The following KATNIP variants were observed in gnomAD, a reference collection of about 807,000 sequenced individuals.
The protein encoded by KATNIP is katanin-interacting protein.
Under a neutral mutation model 174.0 loss-of-function variants are expected in KATNIP, and 126 were observed. The observed-to-expected ratio is 0.72, with a 90% CI of 0.63 to 0.84. The LOEUF (loss-of-function observed/expected upper bound fraction) is 0.84. Ranked by LOEUF, KATNIP falls within the 40% of genes least tolerant of loss-of-function variation. The pLI is 0.00. For missense variants in KATNIP, 1,958 were observed against 2,109.7 expected (o/e 0.93, Z 1.41); for synonymous variants, 810 against 835.7 (o/e 0.97, Z 0.53).
At chr16:27,599,938 C>A (rs2075461249) in intron 2 of KATNIP, among the ~76,000 whole-genome samples, 1 of 152,200 alleles carries the variant, frequency 6.6e-6, no homozygotes, top group African/African-American at 2.4e-5. Flanking sequence ...GAGCACTCTC[C>A]CCTCTCCTCC....
intron 12 of KATNIP, among the ~76,000 whole-genome samples, chr16:27,707,147 ATTAATT>A (rs1394646512): frequency 6.6e-6 from 1 of 152,192 alleles, no homozygotes; most frequent in Non-Finnish European, 1.5e-5. Context: ...CTCGCTGGCT[ATTAATT>A]AAAAAAATAA....
At position 27,778,827 on chromosome 16, in the gene KATNIP, A is replaced by G. The variant is rs748326682; in HGVS notation, c.*198A>G. ...GACAGATGGCTGTGGCTGCAGGGCA[A>G]AGAGATCCCCTGCAGTTCTGGGTTG... On this transcript the variant is annotated 3_prime_UTR_variant, in exon 28 of 28. Transcript: ENST00000261588. 2.5e-5 allele frequency: 13 copies of G among 530,240 alleles called. No homozygotes were observed. The highest frequency in any genetic ancestry group is 9.7e-5 in the African/African-American group (5 of 51,370). The allele number at this position is 530,240 out of a possible 1,614,324, so 32.8% of individuals were successfully genotyped here. A position where few individuals can be genotyped will look rare whatever the true frequency, so the allele number is the denominator to read the frequency against.
chr16:27,616,328 A>G (rs2142047439), intron 2 of KATNIP, among the ~76,000 whole-genome samples: 1 of 152,338 alleles, frequency 6.6e-6, no homozygotes, highest in South Asian at 2.1e-4. Context: ...GTGCCACTGC[A>G]CTTCAGCCTG....
At chr16:27,681,568 C>T in intron 8 of KATNIP, 38 bp downstream of exon 8, 5 of 1,612,948 alleles carry the variant, frequency 3.1e-6, no homozygotes, top group Non-Finnish European at 4.2e-6. Context: ...GGGAGCAGGG[C>T]TGCGACTGGG....
intron 14 of KATNIP, among the ~76,000 whole-genome samples, chr16:27,739,484 G>C (rs576183721): frequency 6.6e-6 from 1 of 152,200 alleles, no homozygotes; most frequent in East Asian, 1.9e-4. Flanking sequence ...CCAAATACTC[G>C]ACTTGCACCC....
intron 13 of KATNIP, among the ~76,000 whole-genome samples, chr16:27,721,173 GCT>G (rs903399117): frequency 7.2e-5 from 11 of 152,262 alleles, no homozygotes; most frequent in Admixed American, 7.2e-4. Context: ...AAAATCAAAG[GCT>G]CTGTTTGCCA....
At chr16:27,774,239 G>A (rs2082411561) in intron 23 of KATNIP, among the ~76,000 whole-genome samples, 1 of 152,140 alleles carries the variant, frequency 6.6e-6, no homozygotes, top group Non-Finnish European at 1.5e-5. Context: ...ACCCTCCTCA[G>A]CTGGGATGAA....
chr16:27,555,717 T>A (rs1221565864), intron 1 of KATNIP, among the ~76,000 whole-genome samples: 2 of 151,962 alleles, frequency 1.3e-5, no homozygotes, highest in Non-Finnish European at 2.9e-5. Flanking sequence ...ATGCCTGTAA[T>A]CCCAGCCACT....
intron 13 of KATNIP, among the ~76,000 whole-genome samples, chr16:27,716,547 G>A (rs1308101801): frequency 1.3e-5 from 2 of 151,784 alleles, no homozygotes; most frequent in Non-Finnish European, 2.9e-5. Flanking sequence ...CTATGTAACT[G>A]TAGTACATAA....
intron 14 of KATNIP, among the ~76,000 whole-genome samples, chr16:27,733,131 C>T (rs2080758406): frequency 6.6e-6 from 1 of 152,156 alleles, no homozygotes; most frequent in Non-Finnish European, 1.5e-5. Context: ...GTGCTCATCT[C>T]TGGGGAAAGT....
chr16:27,685,573 A>G (rs780097072), intron 8 of KATNIP, among the ~76,000 whole-genome samples: 10 of 152,202 alleles, frequency 6.6e-5, no homozygotes, highest in Non-Finnish European at 1.5e-4. Flanking sequence ...CACTGGGTCC[A>G]TTTAATAAAG....
At chr16:27,671,924 C>G (rs560579936) in intron 6 of KATNIP, among the ~76,000 whole-genome samples, 3 of 152,046 alleles carry the variant, frequency 2.0e-5, no homozygotes, top group Non-Finnish European at 4.4e-5. Flanking sequence ...GGTGTGGTGG[C>G]GGGCGCCTGT....
intron 2 of KATNIP, among the ~76,000 whole-genome samples, chr16:27,599,445 T>G (rs2075443344): frequency 6.6e-6 from 1 of 152,042 alleles, no homozygotes; most frequent in Non-Finnish European, 1.5e-5. Flanking sequence ...CAGATTGCAT[T>G]CATGCGCCAG....
chr16:27,686,335 A>G (rs1433565409), intron 8 of KATNIP, among the ~76,000 whole-genome samples: 1 of 152,154 alleles, frequency 6.6e-6, no homozygotes, highest in Non-Finnish European at 1.5e-5. Flanking sequence ...TTTTATCATT[A>G]TGTGTTGTTT....
intron 5 of KATNIP, among the ~76,000 whole-genome samples, chr16:27,636,409 G>A (rs919868543): frequency 6.6e-5 from 10 of 152,306 alleles, no homozygotes; most frequent in East Asian, 1.9e-4. Flanking sequence ...TCCATTTCCC[G>A]TCTGGTTCTT....
chr16:27,650,432 A>G (rs767624896), intron 6 of KATNIP, among the ~76,000 whole-genome samples: 21 of 152,356 alleles, frequency 1.4e-4, no homozygotes, highest in Middle Eastern at 6.8e-3. Context: ...CATCATCTCC[A>G]TAGTTATGTA....
intron 6 of KATNIP, among the ~76,000 whole-genome samples, chr16:27,672,607 TG>T (rs1479587666): frequency 2.0e-5 from 3 of 152,172 alleles, no homozygotes; most frequent in Non-Finnish European, 4.4e-5. Context: ...TCTTCCCCAT[TG>T]GTTGGGCCAT....
intron 2 of KATNIP, among the ~76,000 whole-genome samples, chr16:27,577,028 T>C (rs1164322167): frequency 6.6e-6 from 1 of 152,132 alleles, no homozygotes; most frequent in African/African-American, 2.4e-5. Flanking sequence ...TAAGCCACCA[T>C]GACAAAGGGA....
At chr16:27,768,594 T>C (rs1196706771) in intron 20 of KATNIP, among the ~76,000 whole-genome samples, 1 of 152,146 alleles carries the variant, frequency 6.6e-6, no homozygotes, top group East Asian at 1.9e-4. Flanking sequence ...CCAGGAGTCA[T>C]GCTGATGGGC....
Sources: allele counts gnomAD v4.1 joint callset (sites outside exome capture counted in the v4.1 genomes callset), GRCh38; gene constraint gnomAD v4.1.1; transcripts MANE v1.5; gene names NCBI Gene and HGNC (gene_info 2026-07-23, HGNC 2026-07-21).